The following HSDL2 variants were observed in gnomAD, a reference collection of about 807,000 sequenced individuals.
The protein encoded by HSDL2 is hydroxysteroid dehydrogenase like 2.
In HSDL2, 27 loss-of-function variants were observed where a neutral mutation model predicts 46.3. The observed-to-expected ratio is 0.58, with a 90% CI of 0.43 to 0.80. The LOEUF is 0.80. Among genes scored for constraint, HSDL2 ranks in the 30% least tolerant of loss-of-function variants. The pLI, the probability that HSDL2 is intolerant of heterozygous loss-of-function variation, is 0.00. For synonymous variants in HSDL2, 153 were observed against 163.6 expected, an observed-to-expected ratio of 0.94 and a Z score of 0.50; for missense variants, 451 against 502.7, an observed-to-expected ratio of 0.90 and a Z score of 0.98.
intron 8 of HSDL2, among the ~76,000 whole-genome samples, chr9:112,450,763 C>T (rs1246906946): frequency 6.6e-6 from 1 of 151,682 alleles, no homozygotes; most frequent in African/African-American, 2.4e-5. Context: ...AAAATGTATA[C>T]CCAGAAATAA....
intron 10 of HSDL2, among the ~76,000 whole-genome samples, chr9:112,463,745 C>A (rs1365777205): frequency 6.6e-6 from 1 of 151,946 alleles, no homozygotes; most frequent in Non-Finnish European, 1.5e-5. Context: ...ACTGCAACCT[C>A]CACCTCCTGG....
intron 6 of HSDL2, among the ~76,000 whole-genome samples, chr9:112,419,890 A>G (rs997884564): frequency 2.0e-5 from 3 of 152,188 alleles, no homozygotes; most frequent in African/African-American, 7.2e-5. Context: ...CAAAAATGAG[A>G]AAAAAGGAAA....
At chr9:112,437,598 T>A (rs1303319121) in intron 6 of HSDL2, among the ~76,000 whole-genome samples, 1 of 152,074 alleles carries the variant, frequency 6.6e-6, no homozygotes, top group Non-Finnish European at 1.5e-5. Context: ...GGCTGACAGG[T>A]GTTAAAGAGG....
At chr9:112,434,021 G>A (rs1832463731) in intron 6 of HSDL2, 1 of 152,198 alleles carries the variant, frequency 6.6e-6, no homozygotes, top group Admixed American at 6.5e-5. Context: ...CCGGCCTCTA[G>A]TTGTTTCACA....
intron 8 of HSDL2, among the ~76,000 whole-genome samples, chr9:112,452,681 G>C (rs1832915429): frequency 6.6e-6 from 1 of 152,172 alleles, no homozygotes; most frequent in Admixed American, 6.5e-5. Flanking sequence ...AGGAGACGGA[G>C]GTTGCAGTGA....
rs527537869 is a variant in HSDL2 at position 112,425,601 on chromosome 9, G to A, written c.598+6643G>A. ...TCCATCTGTATCTTTTCTTCTGTGA[G>A]AGCCTTTGAGCTTTCATATTCTTGG... On this transcript the variant is annotated intron_variant, in intron 6 of 10. Coordinates refer to ENST00000398805, the MANE Select transcript of HSDL2 (RefSeq NM_032303.5). Among the ~76,000 whole-genome samples, 3 of 115,936 alleles carry A rather than the reference G, an allele frequency of 2.6e-5. No homozygotes were observed. In the South Asian group the frequency reaches 9.0e-4, roughly 35 times the overall value. The allele number at this position is 115,936 out of a possible 152,430, so 76.1% of individuals were successfully genotyped here. A position where few individuals can be genotyped will look rare whatever the true frequency, so the allele number is the denominator to read the frequency against.
chr9:112,462,822 CAT>C, intron 10 of HSDL2, among the ~76,000 whole-genome samples: 2 of 152,268 alleles, frequency 1.3e-5, no homozygotes, highest in East Asian at 1.9e-4. Context: ...AAAATTCTCT[CAT>C]GTCTCTTTGC....
At chr9:112,407,900 A>G (rs1033510125) in intron 3 of HSDL2, among the ~76,000 whole-genome samples, 1 of 152,224 alleles carries the variant, frequency 6.6e-6, no homozygotes, top group Non-Finnish European at 1.5e-5. Context: ...AATGTTTGAC[A>G]TAGTTTTTGT....
At chr9:112,422,391 A>C (rs1420102261) in intron 6 of HSDL2, among the ~76,000 whole-genome samples, 2 of 152,236 alleles carry the variant, frequency 1.3e-5, no homozygotes, top group East Asian at 3.8e-4. Flanking sequence ...TCAATTTAAA[A>C]ACAAAAATCC....
chr9:112,392,906 T>C (rs1368865228), intron 1 of HSDL2, among the ~76,000 whole-genome samples: 1 of 152,226 alleles, frequency 6.6e-6, no homozygotes, highest in Non-Finnish European at 1.5e-5. Flanking sequence ...AACTGATAAA[T>C]GTCCATGAAA....
intron 3 of HSDL2, 60 bp from the exon 4 acceptor site, chr9:112,408,847 C>CT: frequency 3.3e-6 from 3 of 912,588 alleles, no homozygotes; most frequent in Admixed American, 2.1e-5. Context: ...AGAGTAAACG[C>CT]TTTTTTTGTG....
chr9:112,394,679 C>CG (rs1314315841), intron 1 of HSDL2, among the ~76,000 whole-genome samples: 1 of 152,120 alleles, frequency 6.6e-6, no homozygotes, highest in Non-Finnish European at 1.5e-5. Context: ...GGCCGGAGAC[C>CG]AAATGTCCCC....
intron 1 of HSDL2, among the ~76,000 whole-genome samples, chr9:112,393,683 A>C (rs1206599099): frequency 6.6e-6 from 1 of 152,256 alleles, no homozygotes; most frequent in Non-Finnish European, 1.5e-5. Context: ...GTAGCACTTC[A>C]TTAATTAAAT....
At chr9:112,391,202 T>TAATAATAATAA (rs397960887) in intron 1 of HSDL2, among the ~76,000 whole-genome samples, 1 of 150,702 alleles carries the variant, frequency 6.6e-6, no homozygotes, top group African/African-American at 2.4e-5. Flanking sequence ...ATAATAATAA[T>TAATAATAATAA]TTTCTATAAT....
intron 9 of HSDL2, among the ~76,000 whole-genome samples, chr9:112,455,123 C>T (rs1239911666): frequency 6.6e-6 from 1 of 152,068 alleles, no homozygotes; most frequent in Non-Finnish European, 1.5e-5. Flanking sequence ...ATCCCAGCTA[C>T]TCAGGAGGCT....
At chr9:112,441,577 C>T (rs1832638473) in intron 7 of HSDL2, 122 bp from the exon 8 acceptor site, 5 of 599,442 alleles carry the variant, frequency 8.3e-6, no homozygotes, top group South Asian at 2.5e-5. Flanking sequence ...ACAGTTCTCA[C>T]AGAGGCCTTT....
chr9:112,460,974 G>A lies in HSDL2; in HGVS notation c.1144+1397G>A, dbSNP rs568799432. ...TGTGTTAGTGTATATAAATATACAT[G>A]TGTGCTTATAAAAACAGGATCATAC... On this transcript the variant is annotated intron_variant, in intron 10 of 10. Coordinates refer to ENST00000398805, the MANE Select transcript of HSDL2 (RefSeq NM_032303.5). Among the ~76,000 whole-genome samples, 7 of 152,116 alleles carry A rather than the reference G, an allele frequency of 4.6e-5. No homozygotes were observed. In the East Asian group the frequency reaches 1.4e-3, roughly 29 times the overall value.
rs1322963552 is a variant in HSDL2 at position 112,425,123 on chromosome 9, A to G, written c.598+6165A>G. Among the ~76,000 whole-genome samples, 8 of 149,006 alleles carry G rather than the reference A, an allele frequency of 5.4e-5. No homozygotes were observed. The South Asian group carries it at 1.7e-3, about 31-fold the overall frequency. On this transcript the variant is annotated intron_variant, in intron 6 of 10. Transcript: ENST00000398805. ...GTCAATAATGGGAATGCTTTTCATC[A>G]TAATATATATGCAGTTTCTTCCCTT...
intron 3 of HSDL2, among the ~76,000 whole-genome samples, chr9:112,407,703 C>T (rs1355160122): frequency 6.6e-6 from 1 of 152,224 alleles, no homozygotes; most frequent in Admixed American, 6.5e-5. Flanking sequence ...AAGCATGAGC[C>T]ACTGTCCCCA....
Sources: gnomAD v4.1 joint callset for allele counts (sites outside exome capture counted in the v4.1 genomes callset) on GRCh38, gnomAD v4.1.1 for gene constraint, MANE v1.5 for transcripts, NCBI Gene and HGNC (gene_info 2026-07-23, HGNC 2026-07-21) for gene names.